Variants in MYO5A observed in about 807,000 individuals in gnomAD.
MYO5A encodes the protein myosin VA.
In MYO5A, 98 loss-of-function variants were observed where a neutral mutation model predicts 249.7. The observed-to-expected ratio is 0.39, with a 90% CI of 0.33 to 0.46. The LOEUF is 0.46. Among genes scored for constraint, MYO5A ranks in the 20% least tolerant of loss-of-function variants. MYO5A has a pLI of 0.98. For synonymous variants in MYO5A, 778 were observed against 810.6 expected (o/e 0.96, Z 0.68); for missense variants, 1,696 against 2,308.8 (o/e 0.73, Z 5.44).
intron 1 of MYO5A, among the ~76,000 whole-genome samples, chr15:52,466,172 T>C (rs2076348577): frequency 6.6e-6 from 1 of 152,146 alleles, no homozygotes; most frequent in South Asian, 2.1e-4. Context: ...CCCTATTCTC[T>C]TTCCTAGCTC....
At chr15:52,425,792 A>C in intron 4 of MYO5A, 38 bp downstream of exon 4, 1 of 1,607,280 alleles carries the variant, frequency 6.2e-7, no homozygotes, top group Non-Finnish European at 8.5e-7. Context: ...ATCATATCTA[A>C]TAACTGCCAT....
chr15:52,486,370 T>A (rs11856494), intron 1 of MYO5A, among the ~76,000 whole-genome samples: 22,857 of 152,182 alleles, frequency 0.15, 1,827 homozygotes, highest in Middle Eastern at 0.22. Context: ...AGATGACATG[T>A]CTAGTTAAGT....
intron 1 of MYO5A, among the ~76,000 whole-genome samples, chr15:52,480,929 G>A (rs1159818773): frequency 6.6e-6 from 1 of 152,202 alleles, no homozygotes; most frequent in Middle Eastern, 3.2e-3. Context: ...CACAGGTCTA[G>A]TCCTGGGATA....
chr15:52,373,279 G>A (rs1333589619), intron 20 of MYO5A, among the ~76,000 whole-genome samples: 2 of 152,278 alleles, frequency 1.3e-5, no homozygotes, highest in African/African-American at 4.8e-5. Flanking sequence ...ACATTTTCTA[G>A]GAAAGATGGA....
Position 52,416,196 on chromosome 15 carries a change from G to A in MYO5A, c.561C>T (p.Ala187=), listed in dbSNP as rs1272497991. ...MRYFATVSGS[A]SEANVEEKVL... ...CCTTTTCCTCCACATTGGCCTCACT[G>A]GCAGAACCACTCACAGTTGCAAAGT... Residue 187 remains alanine (A), a synonymous_variant, in exon 5 of 42, where the codon GCC becomes GCT. Transcript: ENST00000399233. 4 of 1,613,920 alleles carry A rather than the reference G, an allele frequency of 2.5e-6. No individual in the cohort carries two copies. Among genetic ancestry groups the A allele is most frequent in the African/African-American group, 1.3e-5 (1 of 74,892 alleles).
In MYO5A at chr15:52,416,229, G is replaced by T. The variant is rs2043476354; in HGVS notation, c.528C>A (p.Ala176=). 1 of 1,613,916 alleles carries T rather than the reference G, an allele frequency of 6.2e-7. No individual in the cohort carries two copies. The highest frequency in any genetic ancestry group is 1.3e-5 in the African/African-American group (1 of 74,900). Residue 176 remains alanine, a synonymous_variant, in exon 5 of 42, where the codon GCC becomes GCA. Transcript: ENST00000399233. ...GAGKTVSAKY[A]MRYFATVSGS... ...CACTCACAGTTGCAAAGTATCGCATGGCATACTTAGCTGAGACTGTTTTTC... is the reference window on the plus strand; with the variant it reads ...CACTCACAGTTGCAAAGTATCGCATTGCATACTTAGCTGAGACTGTTTTTC...
chr15:52,375,361 G>A lies in MYO5A; in HGVS notation c.2520C>T (p.Ala840=). Reference sequence around the variant, plus strand: ...GCAAGTAAGACTGAAGAACGATAGTGGCAGCTCGTCTAATCTTGTACCTCC... The same window carrying A: ...GCAAGTAAGACTGAAGAACGATAGTAGCAGCTCGTCTAATCTTGTACCTCC... The part of the protein sequence containing the change: ...VRRRYKIRRA[A]TIVLQSYLRG... Residue 840 remains alanine (A), a synonymous_variant, in exon 20 of 42, where the codon GCC becomes GCT. Coordinates refer to ENST00000399233, the MANE Select transcript of MYO5A (RefSeq NM_001382347.1). 1 of 1,613,998 alleles carries A rather than the reference G, an allele frequency of 6.2e-7. No individual in the cohort carries two copies. The highest frequency in any genetic ancestry group is 8.5e-7 in the Non-Finnish European group (1 of 1,179,916).
Position 52,346,431 on chromosome 15 carries a change from C to G in MYO5A, c.3889G>C (p.Glu1297Gln), listed in dbSNP as rs2039631173. The change falls in exon 30 of 42, where the codon GAA becomes CAA. Residue 1297 changes from glutamate (E) to glutamine (Q), a missense_variant. Physicochemically the swap from Glu to Gln is conservative, Grantham distance 29. Transcript: ENST00000399233. ...TTATCTTTCATTTTTTGTACATCTT[C>G]CAAAAGTATTGTGGAATCTGTCATT... ...NTMTDSTILL[E>Q]DVQKMKDKGE... 3 of 1,605,698 alleles carry G rather than the reference C, an allele frequency of 1.9e-6. No individual in the cohort carries two copies. The highest frequency in any genetic ancestry group is 2.7e-5 in the African/African-American group (2 of 74,744).
At position 52,317,099 on chromosome 15, in the gene MYO5A, ATC is replaced by A; in HGVS notation, c.5356_5357del (p.Asp1786Ter). 1 of 1,614,106 alleles carries A rather than the reference ATC, an allele frequency of 6.2e-7. No homozygotes were observed. ...TAGAACAAATGGCTTCTGCATCATC[ATC>A]TGTTTTCTTTTTCACTTGCAAAAGT... ...AQLLQVKKKTDDDAEAICSMC... is the reference protein window; with the variant it reads ...AQLLQVKKKTXDDAEAICSMC... On this transcript the variant is annotated frameshift_variant, in exon 40 of 42. Coordinates refer to ENST00000399233, the MANE Select transcript of MYO5A (RefSeq NM_001382347.1). LOFTEE classifies it high-confidence loss of function.
chr15:52,433,131 C>T, intron 2 of MYO5A, 44 bp downstream of exon 2: 2 of 1,366,848 alleles, frequency 1.5e-6, no homozygotes, highest in Non-Finnish European at 2.1e-6. Flanking sequence ...TTTTGAACTC[C>T]CTTCACTTTA....
Position 52,364,590 on chromosome 15 carries a change from T to C in MYO5A, c.3273A>G (p.Arg1091=), listed in dbSNP as rs765483000. The change falls in exon 24 of 42, where the codon AGA becomes AGG. Residue 1091 remains arginine, a synonymous_variant. Transcript: ENST00000399233. ...LLNEFSRLEE[R]YDDLKEEMTL... ...TCATCTCTTCCTTGAGGTCATCATATCTTTCTTCCAGGCGACTGAACTCAT... is the reference window on the plus strand; with the variant it reads ...TCATCTCTTCCTTGAGGTCATCATACCTTTCTTCCAGGCGACTGAACTCAT... 1.4e-5 allele frequency: 23 copies of C among 1,613,902 alleles called. No homozygotes were observed. In the Admixed American group the frequency reaches 2.5e-4, roughly 18 times the overall value.
At chr15:52,501,890 C>CACACACACACAG (rs2077166948) in intron 1 of MYO5A, among the ~76,000 whole-genome samples, 1 of 151,244 alleles carries the variant, frequency 6.6e-6, no homozygotes, top group Admixed American at 6.6e-5. Flanking sequence ...CACACACACA[C>CACACACACACAG]ACACACACAC....
chr15:52,387,021 C>A (rs1253307169), intron 14 of MYO5A, among the ~76,000 whole-genome samples: 4 of 152,106 alleles, frequency 2.6e-5, no homozygotes, highest in African/African-American at 9.7e-5. Context: ...ACAAAGACTG[C>A]CAGTCAGTAA....
At chr15:52,347,648 A>T (rs1011166238) in intron 29 of MYO5A, among the ~76,000 whole-genome samples, 12 of 150,312 alleles carry the variant, frequency 8.0e-5, no homozygotes, top group Non-Finnish European at 1.8e-4. Context: ...AAAAATCCTT[A>T]AAAAAAATAC....
At chr15:52,373,849 G>T (rs1411537211) in intron 20 of MYO5A, among the ~76,000 whole-genome samples, 3 of 152,126 alleles carry the variant, frequency 2.0e-5, no homozygotes, top group Non-Finnish European at 4.4e-5. Flanking sequence ...AAGGAGGGGT[G>T]AGCAGAAAGA....
chr15:52,407,209 A>AT (rs2043044242), intron 8 of MYO5A, 83 bp downstream of exon 8: 1 of 987,624 alleles, frequency 1.0e-6, no homozygotes, highest in Non-Finnish European at 1.6e-6. Flanking sequence ...CACTTAATAA[A>AT]AAGTCAAGCC....
chr15:52,491,919 A>G (rs2076943198), intron 1 of MYO5A, among the ~76,000 whole-genome samples: 1 of 152,236 alleles, frequency 6.6e-6, no homozygotes. Context: ...GAAAAAAGAA[A>G]AGAAAAAGAG....
chr15:52,328,737 C>T (rs2038731265), intron 35 of MYO5A, among the ~76,000 whole-genome samples: 1 of 152,194 alleles, frequency 6.6e-6, no homozygotes, highest in Non-Finnish European at 1.5e-5. Flanking sequence ...TTTATAAAAG[C>T]CAAAATCCTC....
rs1253919943 is a variant in MYO5A, at chr15:52,357,728, C to T, written c.3423+2240G>A. Among the ~76,000 whole-genome samples the T allele has an allele frequency of 2.0e-5, 3 of 152,254 alleles. No individual in the cohort carries two copies. In the East Asian group the frequency reaches 5.8e-4, roughly 29 times the overall value. ...GATGCTATCAAATTAAAGAGCTGTC[C>T]TCACTATACCCCATGAGCAAGAAGG... On this transcript the variant is annotated intron_variant, in intron 25 of 41. Coordinates refer to ENST00000399233, the MANE Select transcript of MYO5A (RefSeq NM_001382347.1).
Sources: gnomAD v4.1 joint callset for allele counts (sites outside exome capture counted in the v4.1 genomes callset) on GRCh38, gnomAD v4.1.1 for gene constraint, MANE v1.5 for transcripts, NCBI Gene and HGNC (gene_info 2026-07-23, HGNC 2026-07-21) for gene names.